The following FHIT variants were observed in gnomAD, a reference collection of about 807,000 sequenced individuals.
The protein encoded by FHIT is fragile histidine triad diadenosine triphosphatase, also known as bis(5'-adenosyl)-triphosphatase.
A neutral mutation model predicts 17.9 loss-of-function variants in FHIT; 19 were observed. The ratio of observed to expected loss-of-function variants is 1.06; its 90% CI spans 0.74 to 1.56. The LOEUF (loss-of-function observed/expected upper bound fraction) is 1.56. Ranked by LOEUF, FHIT falls within the 40% of genes most tolerant of loss-of-function variation. The pLI, the probability that FHIT is intolerant of heterozygous loss-of-function variation, is 0.00. For missense variants in FHIT, 248 were observed against 189.2 expected (o/e 1.31, Z -1.82); for synonymous variants, 81 against 69.7 (o/e 1.16, Z -0.81).
At chr3:60,252,021 A>T (rs1231096186) in intron 5 of FHIT, among the ~76,000 whole-genome samples, 1 of 152,192 alleles carries the variant, frequency 6.6e-6, no homozygotes, top group Non-Finnish European at 1.5e-5. Context: ...ATGGGGAAAA[A>T]TTTTATGTCA....
chr3:60,831,140 G>C (rs1387385269), intron 3 of FHIT, among the ~76,000 whole-genome samples: 4 of 152,010 alleles, frequency 2.6e-5, no homozygotes, highest in African/African-American at 9.7e-5. Context: ...TGGCACTTGA[G>C]GAAATAGTTA....
chr3:60,056,180 T>G (rs1702072574), intron 5 of FHIT, among the ~76,000 whole-genome samples: 1 of 152,172 alleles, frequency 6.6e-6, no homozygotes, highest in Non-Finnish European at 1.5e-5. Context: ...GTACAATATT[T>G]CTGCCTTATT....
intron 3 of FHIT, among the ~76,000 whole-genome samples, chr3:60,956,374 T>C (rs1036062185): frequency 4.6e-5 from 7 of 152,140 alleles, no homozygotes; most frequent in African/African-American, 7.2e-5. Context: ...TAGGCAGCCT[T>C]TCAGATCCGA....
At chr3:60,922,307 A>G (rs1198532456) in intron 3 of FHIT, among the ~76,000 whole-genome samples, 5 of 152,174 alleles carry the variant, frequency 3.3e-5, no homozygotes, top group African/African-American at 7.2e-5. Context: ...CACCAGATAA[A>G]GAAACCGTGT....
intron 5 of FHIT, among the ~76,000 whole-genome samples, chr3:60,178,704 C>A (rs150729721): frequency 6.6e-6 from 1 of 152,112 alleles, no homozygotes; most frequent in Non-Finnish European, 1.5e-5. Context: ...CGTTGTTTTT[C>A]GTCCATTAGC....
intron 4 of FHIT, among the ~76,000 whole-genome samples, chr3:60,789,423 C>G (rs538393595): frequency 2.6e-5 from 4 of 152,156 alleles, no homozygotes; most frequent in Non-Finnish European, 5.9e-5. Context: ...GAGGCTGAGG[C>G]AGGAGGATCA....
Position 60,947,591 on chromosome 3 carries a change from A to C in FHIT, c.-111+94456T>G, listed in dbSNP as rs187287726. On this transcript the variant is annotated intron_variant, in intron 3 of 9. Coordinates refer to ENST00000492590, the MANE Select transcript of FHIT (RefSeq NM_002012.4). ...AATTGGTTGCATTCACAAGTCTACA[A>C]TTTGCGGCTTAACAAAATTATTTTT... 2.2e-3 allele frequency among the ~76,000 whole-genome samples: 332 copies of C among 152,330 alleles called. 4 individuals are homozygous for C. Among genetic ancestry groups the C allele is most frequent in the Middle Eastern group, 0.01 (3 of 294 alleles).
intron 4 of FHIT, among the ~76,000 whole-genome samples, chr3:60,766,807 A>T (rs2205343): frequency 0.39 from 59,135 of 152,022 alleles, 11,837 homozygotes; most frequent in Non-Finnish European, 0.42. Context: ...GTACTGGGCT[A>T]GGTAGTAGGA....
chr3:59,910,840 G>C (rs374512961), intron 8 of FHIT, among the ~76,000 whole-genome samples: 1 of 151,920 alleles, frequency 6.6e-6, no homozygotes, highest in Non-Finnish European at 1.5e-5. Flanking sequence ...TTGGCTTTAC[G>C]AAAGCACAGC....
chr3:61,013,304 C>A (rs1230990502), intron 3 of FHIT, among the ~76,000 whole-genome samples: 8 of 152,176 alleles, frequency 5.3e-5, no homozygotes, highest in African/African-American at 1.9e-4. Flanking sequence ...AATTGGATTT[C>A]TGAATAGCTA....
At chr3:60,081,551 T>C (rs1345328529) in intron 5 of FHIT, among the ~76,000 whole-genome samples, 3 of 152,124 alleles carry the variant, frequency 2.0e-5, no homozygotes, top group Non-Finnish European at 4.4e-5. Flanking sequence ...CATATCCTGA[T>C]TGAGATACCA....
chr3:61,214,222 G>T lies in FHIT; in HGVS notation c.-212-13557C>A, dbSNP rs572394402. 1.3e-3 allele frequency among the ~76,000 whole-genome samples: 198 copies of T among 151,928 alleles called. 2 individuals carry two copies. The highest frequency in any genetic ancestry group is 4.1e-3 in the African/African-American group (170 of 41,532). ...AAAAAATTAATGAATCCAGGAGCTG[G>T]TTTTTTGAAAGGATCAACAAAATTG... is the stretch of plus-strand genomic sequence containing the variant. On this transcript the variant is annotated intron_variant, in intron 1 of 9. Transcript: ENST00000492590.
At chr3:60,535,602 A>G (rs190615578) in intron 5 of FHIT, among the ~76,000 whole-genome samples, 6 of 151,906 alleles carry the variant, frequency 3.9e-5, no homozygotes, top group African/African-American at 1.4e-4. Flanking sequence ...TTTTTTTAAT[A>G]AACAGAAGAA....
intron 8 of FHIT, among the ~76,000 whole-genome samples, chr3:59,914,254 C>T (rs1009770293): frequency 4.6e-5 from 7 of 151,720 alleles, no homozygotes; most frequent in Non-Finnish European, 1.0e-4. Context: ...ACATTTACAA[C>T]GCATCTCAAT....
intron 5 of FHIT, among the ~76,000 whole-genome samples, chr3:60,395,525 G>T (rs1262637470): frequency 6.6e-6 from 1 of 152,102 alleles, no homozygotes; most frequent in Non-Finnish European, 1.5e-5. Flanking sequence ...CTAAGAAGTC[G>T]AGAGACAAAA....
intron 4 of FHIT, among the ~76,000 whole-genome samples, chr3:60,698,587 A>G (rs2107902212): frequency 6.6e-6 from 1 of 152,302 alleles, no homozygotes; most frequent in South Asian, 2.1e-4. Flanking sequence ...TAAGCTAACA[A>G]TGGGCTCAAA....
chr3:60,563,113 G>T (rs1270715604), intron 4 of FHIT, among the ~76,000 whole-genome samples: 1 of 152,182 alleles, frequency 6.6e-6, no homozygotes, highest in African/African-American at 2.4e-5. Context: ...GCTGCAGAGA[G>T]AGTGGACAAT....
intron 1 of FHIT, among the ~76,000 whole-genome samples, chr3:61,207,612 T>C (rs1304907005): frequency 6.6e-6 from 1 of 152,212 alleles, no homozygotes; most frequent in Non-Finnish European, 1.5e-5. Flanking sequence ...TGCATAGAGG[T>C]GTTCCTAGTA....
intron 8 of FHIT, among the ~76,000 whole-genome samples, chr3:59,774,859 T>C (rs1304542721): frequency 6.6e-6 from 1 of 152,250 alleles, no homozygotes; most frequent in African/African-American, 2.4e-5. Flanking sequence ...AATGTGGTTC[T>C]ATCTGCTTGC....
Sources: allele counts gnomAD v4.1 joint callset (sites outside exome capture counted in the v4.1 genomes callset), GRCh38; gene constraint gnomAD v4.1.1; transcripts MANE v1.5; gene names NCBI Gene and HGNC (gene_info 2026-07-23, HGNC 2026-07-21).